Variants in SEMA5A observed in about 807,000 individuals in gnomAD.
The protein encoded by SEMA5A is semaphorin-5A.
SEMA5A carries 55 observed loss-of-function variants against 135.5 expected under a neutral mutation model. The ratio of observed to expected loss-of-function variants is 0.41; its 90% confidence interval spans 0.33 to 0.51. The LOEUF is 0.51. Among genes scored for constraint, SEMA5A ranks in the 20% least tolerant of loss-of-function variants. The pLI is 0.37. For missense variants in SEMA5A, 1,290 were observed against 1,419.9 expected (o/e 0.91, Z 1.47); for synonymous variants, 580 against 546.5 (o/e 1.06, Z -0.85).
At chr5:9,419,720 T>C (rs973653530) in intron 2 of SEMA5A, among the ~76,000 whole-genome samples, 1 of 152,172 alleles carries the variant, frequency 6.6e-6, no homozygotes, top group Non-Finnish European at 1.5e-5. Context: ...ATTTTATAAA[T>C]GACACCCAAA....
At chr5:9,335,325 A>G (rs73742647) in intron 4 of SEMA5A, among the ~76,000 whole-genome samples, 3,677 of 152,286 alleles carry the variant, frequency 0.024, 145 homozygotes, top group African/African-American at 0.084. Flanking sequence ...GTACCCCTTG[A>G]AAACAATTCC....
intron 8 of SEMA5A, among the ~76,000 whole-genome samples, chr5:9,217,329 C>A (rs1343070554): frequency 6.6e-6 from 1 of 152,178 alleles, no homozygotes; most frequent in East Asian, 1.9e-4. Flanking sequence ...CCAATCTCTT[C>A]TGGCTTGTAG....
Position 9,455,356 on chromosome 5 carries a change from C to T in SEMA5A, c.-174-17504G>A, listed in dbSNP as rs186108597. On this transcript the variant is annotated intron_variant, in intron 1 of 22. Transcript: ENST00000382496. ...CTGTAATCTCCGCCTCCCAGGTTCA[C>T]GCCATTCTCCTGCCCCAGCCTCCCG... 3.6e-3 allele frequency among the ~76,000 whole-genome samples: 543 copies of T among 151,944 alleles called. 2 individuals carry two copies. The highest frequency in any genetic ancestry group is 6.2e-3 in the Non-Finnish European group (420 of 67,994).
chr5:9,384,689 TAG>T lies in SEMA5A; in HGVS notation c.-77-4668_-77-4667del, dbSNP rs1195075737. ...AGATAGATAGATATAGATAGATAGATAGATAGATAGATAGATAGATAGATAGA... is the reference window on the plus strand; with the variant it reads ...AGATAGATAGATATAGATAGATAGATATAGATAGATAGATAGATAGATAGA... On this transcript the variant is annotated intron_variant, in intron 2 of 22. Coordinates refer to ENST00000382496, the MANE Select transcript of SEMA5A (RefSeq NM_003966.3). Among the ~76,000 whole-genome samples the T allele has an allele frequency of 3.4e-4, 44 of 131,188 alleles. 3 individuals carry two copies. Among genetic ancestry groups the T allele is most frequent in the African/African-American group, 1.3e-3 (43 of 31,908 alleles). 86.1% of individuals were successfully genotyped at this position (131,188 alleles called of 152,430 possible).
chr5:9,342,398 G>A (rs763786769), intron 3 of SEMA5A, among the ~76,000 whole-genome samples: 21 of 152,140 alleles, frequency 1.4e-4, no homozygotes, highest in African/African-American at 2.4e-4. Context: ...GGCTGGCTCC[G>A]GATACCTGTT....
At chr5:9,501,777 C>T (rs923188869) in intron 1 of SEMA5A, among the ~76,000 whole-genome samples, 2 of 152,170 alleles carry the variant, frequency 1.3e-5, no homozygotes, top group African/African-American at 4.8e-5. Context: ...CACCCAAGGA[C>T]TCAGGACACA....
intron 1 of SEMA5A, among the ~76,000 whole-genome samples, chr5:9,441,329 T>C (rs1438092102): frequency 3.3e-5 from 5 of 152,044 alleles, no homozygotes; most frequent in African/African-American, 1.2e-4. Context: ...ATAAGGAGGA[T>C]ATTAAAAGAC....
chr5:9,393,612 T>G (rs543886670), intron 2 of SEMA5A, among the ~76,000 whole-genome samples: 5 of 152,308 alleles, frequency 3.3e-5, no homozygotes, highest in African/African-American at 1.2e-4. Context: ...TTACTGGCAA[T>G]TACGAAGCAC....
chr5:9,229,509 C>T (rs1318699523), intron 6 of SEMA5A, among the ~76,000 whole-genome samples: 2 of 152,008 alleles, frequency 1.3e-5, no homozygotes, highest in South Asian at 2.1e-4. Flanking sequence ...AGAAGGAAGC[C>T]GATGCCTGTC....
At chr5:9,387,507 C>T (rs368437406) in intron 2 of SEMA5A, among the ~76,000 whole-genome samples, 4 of 152,282 alleles carry the variant, frequency 2.6e-5, no homozygotes, top group East Asian at 3.9e-4. Flanking sequence ...AAGAAATCCT[C>T]CTGAATGGGG....
chr5:9,424,007 G>T (rs1489318076), intron 2 of SEMA5A, among the ~76,000 whole-genome samples: 2 of 152,192 alleles, frequency 1.3e-5, no homozygotes, highest in African/African-American at 2.4e-5. Flanking sequence ...AGTGTGGAGT[G>T]AGAACACAGT....
chr5:9,117,647 G>T (rs962086616), intron 15 of SEMA5A, among the ~76,000 whole-genome samples: 1 of 152,086 alleles, frequency 6.6e-6, no homozygotes, highest in African/African-American at 2.4e-5. Context: ...TTCCACTTGT[G>T]GCATCATGTC....
intron 1 of SEMA5A, among the ~76,000 whole-genome samples, chr5:9,488,528 C>T (rs765702741): frequency 5.9e-5 from 9 of 152,212 alleles, no homozygotes; most frequent in Non-Finnish European, 1.2e-4. Flanking sequence ...CATTATGGCC[C>T]TCAGGTCAGG....
At chr5:9,077,175 T>C (rs1738114907) in intron 16 of SEMA5A, among the ~76,000 whole-genome samples, 1 of 152,120 alleles carries the variant, frequency 6.6e-6, no homozygotes, top group Non-Finnish European at 1.5e-5. Context: ...AAAGGCCATA[T>C]AAGAGGATAG....
chr5:9,230,163 T>TTC (rs1043885445), intron 6 of SEMA5A, among the ~76,000 whole-genome samples: 3 of 139,258 alleles, frequency 2.2e-5, no homozygotes, highest in African/African-American at 8.9e-5. Flanking sequence ...TTTTTCTTTT[T>TTC]TTTTTTTTTT....
intron 16 of SEMA5A, among the ~76,000 whole-genome samples, chr5:9,085,648 G>A (rs943205511): frequency 6.6e-6 from 1 of 152,202 alleles, no homozygotes; most frequent in African/African-American, 2.4e-5. Flanking sequence ...TTGCTGCAGG[G>A]GTGGGGCTCT....
In SEMA5A at chr5:9,437,113, G is replaced by A. The variant is rs1163183360; in HGVS notation, c.-78+643C>T. Among the ~76,000 whole-genome samples, 6 of 152,200 alleles carry A rather than the reference G, an allele frequency of 3.9e-5. No individual in the cohort carries two copies. In the South Asian group the frequency reaches 6.2e-4, roughly 16 times the overall value. On this transcript the variant is annotated intron_variant, in intron 2 of 22. Transcript: ENST00000382496. ...TCCCAGGACAGGAAGTGAGATGACA[G>A]TGGTATGCACTGCAAATAAGTGGGG...
intron 1 of SEMA5A, among the ~76,000 whole-genome samples, chr5:9,446,992 A>G (rs2126694409): frequency 6.6e-6 from 1 of 152,356 alleles, no homozygotes; most frequent in South Asian, 2.1e-4. Context: ...GTTAAGAAAT[A>G]TGAAAACAGA....
rs3777326 is a variant in SEMA5A at position 9,322,096 on chromosome 5, G to A, written c.225-3679C>T. Among the ~76,000 whole-genome samples the A allele has an allele frequency of 1.6e-3, 246 of 152,220 alleles. 4 individuals are homozygous for A. The East Asian group carries it at 0.029, about 18-fold the overall frequency. ...CACAACACCTGCTTCCGGTTTTCAG[G>A]TGTTTTCCATAGAAGAAGATAATGG... On this transcript the variant is annotated intron_variant, in intron 4 of 22. Coordinates refer to ENST00000382496, the MANE Select transcript of SEMA5A (RefSeq NM_003966.3).
Sources: allele counts gnomAD v4.1 joint callset (sites outside exome capture counted in the v4.1 genomes callset), GRCh38; gene constraint gnomAD v4.1.1; transcripts MANE v1.5; gene names NCBI Gene and HGNC (gene_info 2026-07-23, HGNC 2026-07-21).